CLNK: variants seen among roughly 807,000 people sequenced by gnomAD.
The protein encoded by CLNK is cytokine dependent hematopoietic cell linker.
CLNK carries 74 observed loss-of-function variants against 68.6 expected under a neutral mutation model. That is an observed-to-expected ratio of 1.08 (90% CI 0.89 to 1.31). The LOEUF is 1.31. Among genes scored for constraint, CLNK ranks in the 50% most tolerant of loss-of-function variants. The pLI is 0.00. For missense variants in CLNK, 553 were observed against 515.3 expected (o/e 1.07, Z -0.71); for synonymous variants, 198 against 172.2 (o/e 1.15, Z -1.17).
intron 18 of CLNK, among the ~76,000 whole-genome samples, chr4:10,500,563 C>T (rs939517474): frequency 1.3e-5 from 2 of 151,912 alleles, no homozygotes; most frequent in Admixed American, 1.3e-4. Flanking sequence ...GCCTGTAATT[C>T]CCGCTACTCA....
At chr4:10,681,699 T>A (rs1725095512) in intron 1 of CLNK, among the ~76,000 whole-genome samples, 1 of 152,214 alleles carries the variant, frequency 6.6e-6, no homozygotes, top group African/African-American at 2.4e-5. Context: ...TGCTGTTGAC[T>A]AGTTTGGAAG....
chr4:10,500,120 C>T (rs1716978930), intron 18 of CLNK, among the ~76,000 whole-genome samples: 1 of 152,154 alleles, frequency 6.6e-6, no homozygotes, highest in Non-Finnish European at 1.5e-5. Flanking sequence ...TTTAAAAGAA[C>T]ATTTACATTT....
chr4:10,507,905 G>A, intron 17 of CLNK, 54 bp downstream of exon 17: 2 of 1,317,542 alleles, frequency 1.5e-6, no homozygotes, highest in Non-Finnish European at 1.1e-6. Flanking sequence ...CATAAGCAGA[G>A]AACCTTAAGA....
At chr4:10,622,481 A>G (rs1722494890) in intron 2 of CLNK, among the ~76,000 whole-genome samples, 2 of 152,382 alleles carry the variant, frequency 1.3e-5, no homozygotes, top group African/African-American at 2.4e-5. Context: ...AATAACAGGC[A>G]TGAAAGCCCT....
chr4:10,541,835 GA>G, intron 10 of CLNK, among the ~76,000 whole-genome samples, 186 bp downstream of exon 10: 1 of 151,778 alleles, frequency 6.6e-6, no homozygotes, highest in Admixed American at 6.6e-5. Context: ...TTAAATAGAT[GA>G]ATGAAGGCTT....
In CLNK at chr4:10,583,886, G is replaced by A. The variant is rs560899147; in HGVS notation, c.112+1041C>T. Among the ~76,000 whole-genome samples, 8 of 152,206 alleles carry A rather than the reference G, an allele frequency of 5.3e-5. No individual in the cohort carries two copies. In the South Asian group the frequency reaches 6.2e-4, roughly 12 times the overall value. On this transcript the variant is annotated intron_variant, in intron 4 of 18. Coordinates refer to ENST00000226951, the MANE Select transcript of CLNK (RefSeq NM_052964.4). ...TTACCTGTGTGCTTTATGATTCACC[G>A]GTCACCAAGCACATCAGACAAGCCA...
Position 10,679,843 on chromosome 4 carries a change from C to T in CLNK, c.-43+4825G>A, listed in dbSNP as rs532650685. On this transcript the variant is annotated intron_variant, in intron 1 of 18. Transcript: ENST00000226951. ...TACCATCTCACACCAGTTAGAATGG[C>T]GATCATTAAAAAGTCAGGAAACAAC... Among the ~76,000 whole-genome samples the T allele has an allele frequency of 9.1e-3, 1,378 of 151,994 alleles. 26 individuals are homozygous for T. Among genetic ancestry groups the T allele is most frequent in the African/African-American group, 0.03 (1,240 of 41,438 alleles).
At chr4:10,558,297 T>A (rs769370908) in intron 8 of CLNK, 110 bp downstream of exon 8, 1 of 841,882 alleles carries the variant, frequency 1.2e-6, no homozygotes, top group Non-Finnish European at 2.0e-6. Flanking sequence ...ATTCAATAGA[T>A]CACCTTGTGT....
chr4:10,549,619 A>T (rs1323821265), intron 8 of CLNK, among the ~76,000 whole-genome samples: 1 of 152,232 alleles, frequency 6.6e-6, no homozygotes, highest in East Asian at 1.9e-4. Context: ...GGAATAAATG[A>T]ATTGATGCAC....
At position 10,488,726 on chromosome 4, in the gene CLNK, G is replaced by C. The variant is rs1026074857; in HGVS notation, c.*1741C>G. 6.6e-6 allele frequency: 1 copy of C among 152,218 alleles called. No individual in the cohort carries two copies. Among genetic ancestry groups the C allele is most frequent in the African/African-American group, 2.4e-5 (1 of 41,452 alleles). 9.4% of individuals were successfully genotyped at this position (152,218 alleles called of 1,614,324 possible). A position where few individuals can be genotyped will look rare whatever the true frequency, so the allele number is the denominator to read the frequency against. ...GACCTTGTGAAAGGAGAACACCTGAGCAGGTATTTGGATAGTGGGTAGATG... is the reference window on the plus strand; with the variant it reads ...GACCTTGTGAAAGGAGAACACCTGACCAGGTATTTGGATAGTGGGTAGATG... On this transcript the variant is annotated 3_prime_UTR_variant, in exon 19 of 19. Transcript: ENST00000226951.
upstream of CLNK, among the ~76,000 whole-genome samples, chr4:10,686,227 T>A (rs942720366): frequency 6.6e-6 from 1 of 152,108 alleles, no homozygotes; most frequent in Non-Finnish European, 1.5e-5. Context: ...CCCCTTCTTA[T>A]CAGGAGAGGA....
intron 18 of CLNK, among the ~76,000 whole-genome samples, chr4:10,491,263 C>G (rs9291420): frequency 0.72 from 110,098 of 152,136 alleles, 40,334 homozygotes; most frequent in Non-Finnish European, 0.79. Flanking sequence ...ACCTTTCTAT[C>G]CTAAGGACTC....
the CLNK span, among the ~76,000 whole-genome samples, chr4:10,699,824 T>C: frequency 2.4e-3 from 358 of 152,180 alleles, 1 homozygote; most frequent in Non-Finnish European, 4.0e-3. Flanking sequence ...ACTCCATATA[T>C]TTTAAATCAG....
chr4:10,529,442 T>TTA (rs1423730229), intron 12 of CLNK, among the ~76,000 whole-genome samples: 3 of 152,188 alleles, frequency 2.0e-5, no homozygotes, highest in African/African-American at 7.2e-5. Context: ...CATAGTTGCT[T>TTA]CATAGATAAG....
At chr4:10,650,257 A>G (rs1015690207) in intron 2 of CLNK, among the ~76,000 whole-genome samples, 2 of 152,198 alleles carry the variant, frequency 1.3e-5, no homozygotes, top group African/African-American at 4.8e-5. Context: ...TGGGAGATGA[A>G]GGCTAAAACG....
At chr4:10,620,944 T>TAC (rs758182855) in intron 2 of CLNK, among the ~76,000 whole-genome samples, 6 of 54,394 alleles carry the variant, frequency 1.1e-4, no homozygotes, top group Middle Eastern at 7.1e-3. Flanking sequence ...CTACTAAAAA[T>TAC]ACAAAAAAAA....
At chr4:10,640,315 C>T (rs1723263265) in intron 2 of CLNK, among the ~76,000 whole-genome samples, 1 of 152,200 alleles carries the variant, frequency 6.6e-6, no homozygotes, top group Non-Finnish European at 1.5e-5. Flanking sequence ...TAGGCATGCA[C>T]CAGCACGCCC....
At chr4:10,632,693 G>C (rs1020833668) in intron 2 of CLNK, among the ~76,000 whole-genome samples, 3 of 152,124 alleles carry the variant, frequency 2.0e-5, no homozygotes, top group African/African-American at 7.2e-5. Context: ...TTGTCTTCAA[G>C]AATGTTCTTA....
At chr4:10,573,506 C>T (rs934364651) in intron 4 of CLNK, among the ~76,000 whole-genome samples, 3 of 152,148 alleles carry the variant, frequency 2.0e-5, no homozygotes, top group Non-Finnish European at 2.9e-5. Context: ...ACACGTTTTC[C>T]AGCCCTTTAG....
Sources: allele counts gnomAD v4.1 joint callset (sites outside exome capture counted in the v4.1 genomes callset), GRCh38; gene constraint gnomAD v4.1.1; transcripts MANE v1.5; gene names NCBI Gene and HGNC (gene_info 2026-07-23, HGNC 2026-07-21).